The following ROBO1 variants were observed in gnomAD, a reference collection of about 807,000 sequenced individuals.
The protein encoded by ROBO1 is roundabout guidance receptor 1, also known as roundabout homolog 1.
Under a neutral mutation model 195.9 loss-of-function variants are expected in ROBO1, and 149 were observed. The observed-to-expected ratio is 0.76, with a 90% CI of 0.67 to 0.87. ROBO1 has a LOEUF of 0.87. Among genes scored for constraint, ROBO1 ranks in the 40% least tolerant of loss-of-function variants. ROBO1 has a pLI of 0.00. For synonymous variants in ROBO1, 816 were observed against 733.2 expected (o/e 1.11, Z -1.82); for missense variants, 1,933 against 2,068.3 (o/e 0.93, Z 1.27).
At chr3:78,620,341 G>A (rs1409806626) in intron 26 of ROBO1, among the ~76,000 whole-genome samples, 4 of 151,720 alleles carry the variant, frequency 2.6e-5, no homozygotes, top group East Asian at 2.0e-4. Flanking sequence ...GCGAAACCCC[G>A]TCTCTACTAA....
intron 1 of ROBO1, among the ~76,000 whole-genome samples, chr3:79,741,839 T>C (rs1470278196): frequency 6.6e-6 from 1 of 152,162 alleles, no homozygotes; most frequent in African/African-American, 2.4e-5. Flanking sequence ...AATTAGGAAC[T>C]TGCTTTGAAC....
At chr3:79,497,907 G>A (rs748462333) in intron 2 of ROBO1, among the ~76,000 whole-genome samples, 6 of 152,086 alleles carry the variant, frequency 3.9e-5, no homozygotes, top group Non-Finnish European at 7.4e-5. Context: ...AGCCATTAAA[G>A]GCCAAGAAGG....
intron 4 of ROBO1, among the ~76,000 whole-genome samples, chr3:78,780,323 A>G (rs1411146332): frequency 6.6e-6 from 1 of 152,228 alleles, no homozygotes; most frequent in Admixed American, 6.5e-5. Context: ...AAAGCAGCAT[A>G]TTACAATAAG....
chr3:79,629,798 G>A (rs996832104), intron 1 of ROBO1, among the ~76,000 whole-genome samples: 12 of 151,964 alleles, frequency 7.9e-5, no homozygotes, highest in Non-Finnish European at 1.3e-4. Flanking sequence ...AATTAGAAAT[G>A]ATAAAAGTGA....
rs150814579 is a variant in ROBO1 at position 79,106,317 on chromosome 3, G to A, written c.172+19139C>T. The stretch of plus-strand genomic sequence containing the variant: ...ATGTTTTATTAGAATATACTAGTGC[G>A]GCTCATTTTTTTATTATTGTGATAT... On this transcript the variant is annotated intron_variant, in intron 3 of 30. Coordinates refer to ENST00000464233, the MANE Select transcript of ROBO1 (RefSeq NM_002941.4). Among the ~76,000 whole-genome samples, 730 of 151,560 alleles carry A rather than the reference G, an allele frequency of 4.8e-3. 3 individuals carry two copies. The highest frequency in any genetic ancestry group is 7.4e-3 in the Non-Finnish European group (500 of 67,688).
chr3:79,336,779 C>T (rs1352930511), intron 2 of ROBO1, among the ~76,000 whole-genome samples: 1 of 152,196 alleles, frequency 6.6e-6, no homozygotes, highest in Non-Finnish European at 1.5e-5. Flanking sequence ...AAGCATCAGA[C>T]ACTCAATGCC....
chr3:79,213,147 G>C (rs2081996058), intron 2 of ROBO1, among the ~76,000 whole-genome samples: 1 of 151,856 alleles, frequency 6.6e-6, no homozygotes, highest in African/African-American at 2.4e-5. Context: ...TGGAGGCTGA[G>C]GCAGGAGGAA....
At chr3:79,097,674 A>T (rs974903912) in intron 3 of ROBO1, among the ~76,000 whole-genome samples, 1 of 151,824 alleles carries the variant, frequency 6.6e-6, no homozygotes, top group South Asian at 2.1e-4. Flanking sequence ...CAGTGTTTTT[A>T]AAAAATGTAT....
intron 2 of ROBO1, among the ~76,000 whole-genome samples, chr3:79,128,501 G>T (rs1276052203): frequency 1.3e-5 from 2 of 152,152 alleles, no homozygotes; most frequent in Non-Finnish European, 2.9e-5. Context: ...CAATTGAAAA[G>T]GATGTAAATT....
intron 6 of ROBO1, 40 bp downstream of exon 6, chr3:78,717,723 T>G: frequency 2.5e-6 from 4 of 1,599,316 alleles, no homozygotes; most frequent in Non-Finnish European, 3.4e-6. Flanking sequence ...TGATAAGAGA[T>G]CTATTTTTCA....
intron 1 of ROBO1, among the ~76,000 whole-genome samples, chr3:79,702,122 T>C (rs1260137845): frequency 6.6e-6 from 1 of 151,730 alleles, no homozygotes; most frequent in Admixed American, 6.6e-5. Context: ...ACTAGTGATA[T>C]AAAAATCACA....
At chr3:79,502,397 G>C (rs1315666873) in intron 2 of ROBO1, among the ~76,000 whole-genome samples, 1 of 152,176 alleles carries the variant, frequency 6.6e-6, no homozygotes, top group African/African-American at 2.4e-5. Flanking sequence ...TAGCACCTGG[G>C]CCAGCAGCTG....
chr3:79,736,103 C>T (rs568540992), intron 1 of ROBO1, among the ~76,000 whole-genome samples: 9 of 152,256 alleles, frequency 5.9e-5, no homozygotes, highest in Non-Finnish European at 1.3e-4. Context: ...AACTCCTTTA[C>T]AAAAGGAAAT....
intron 2 of ROBO1, among the ~76,000 whole-genome samples, chr3:79,176,608 C>A (rs763508247): frequency 6.6e-6 from 1 of 152,054 alleles, no homozygotes; most frequent in Non-Finnish European, 1.5e-5. Context: ...CAGGCAAGTG[C>A]CATTACATCT....
At chr3:79,051,577 C>A (rs948762590) in intron 3 of ROBO1, among the ~76,000 whole-genome samples, 1 of 152,090 alleles carries the variant, frequency 6.6e-6, no homozygotes, top group Non-Finnish European at 1.5e-5. Flanking sequence ...ATCATCCTGA[C>A]ACCAAAGCCT....
intron 4 of ROBO1, among the ~76,000 whole-genome samples, chr3:78,879,568 C>A (rs1051391183): frequency 1.3e-5 from 2 of 151,708 alleles, no homozygotes; most frequent in African/African-American, 4.8e-5. Flanking sequence ...GTATGATAGC[C>A]TAATTAGGGG....
chr3:78,798,567 C>T (rs540364062), intron 4 of ROBO1, among the ~76,000 whole-genome samples: 5 of 152,162 alleles, frequency 3.3e-5, no homozygotes, highest in Non-Finnish European at 7.3e-5. Context: ...GCACACACAT[C>T]TTTTTATTAT....
At chr3:79,758,169 G>T (rs901306293) in intron 1 of ROBO1, among the ~76,000 whole-genome samples, 2 of 152,122 alleles carry the variant, frequency 1.3e-5, no homozygotes, top group African/African-American at 4.8e-5. Flanking sequence ...TAATTTTACT[G>T]TGAGTCTATT....
chr3:78,628,515 T>C (rs1246144009), intron 25 of ROBO1, among the ~76,000 whole-genome samples: 2 of 152,160 alleles, frequency 1.3e-5, no homozygotes, highest in African/African-American at 4.8e-5. Context: ...CTTTCTCTTT[T>C]CTCTTATCCC....
Sources: gnomAD v4.1 joint callset for allele counts (sites outside exome capture counted in the v4.1 genomes callset) on GRCh38, gnomAD v4.1.1 for gene constraint, MANE v1.5 for transcripts, NCBI Gene and HGNC (gene_info 2026-07-23, HGNC 2026-07-21) for gene names.